Variants in SDHA observed in about 807,000 individuals in gnomAD.
SDHA encodes the protein succinate dehydrogenase [ubiquinone] flavoprotein subunit, mitochondrial.
Under a neutral mutation model 78.4 loss-of-function variants are expected in SDHA, and 48 were observed. The ratio of observed to expected loss-of-function variants is 0.61; its 90% CI spans 0.49 to 0.78. The LOEUF is 0.78. SDHA is among the 30% of genes least tolerant of loss of function. The pLI, the probability that SDHA is intolerant of heterozygous loss-of-function variation, is 0.00. For synonymous variants in SDHA, 326 were observed against 353.9 expected (o/e 0.92, Z 0.88); for missense variants, 680 against 892.7 (o/e 0.76, Z 3.04).
chr5:254,393 G>A lies in SDHA; in HGVS notation c.1795G>A (p.Val599Met), dbSNP rs574659983. ...AACGTGATGGTGTTTCTGGCCTCAG[G>A]TGCGGATTGATGAGTACGATTACTC... is the stretch of plus-strand genomic sequence containing the variant. ...RGAHAREDYK[V>M]RIDEYDYSKP... is the part of the protein sequence containing the mutation. The change falls in exon 14 of 15, where the codon GTG (valine) becomes ATG (methionine). Residue 599 changes from valine (V) to methionine (M), a missense_variant and splice_region_variant. Transcript: ENST00000264932. 6.2e-7 allele frequency: 1 copy of A among 1,601,890 alleles called. No individual in the cohort carries two copies. Among genetic ancestry groups the A allele is most frequent in the African/African-American group, 1.3e-5 (1 of 74,684 alleles).
chr5:221,398 C>T (rs1052584982), intron 1 of SDHA, among the ~76,000 whole-genome samples: 14 of 152,140 alleles, frequency 9.2e-5, no homozygotes, highest in Non-Finnish European at 1.9e-4. Flanking sequence ...TACAGTCGTG[C>T]GTTTTTAGGT....
intron 5 of SDHA, among the ~76,000 whole-genome samples, chr5:227,033 C>T (rs190514317): frequency 0.027 from 4,051 of 150,796 alleles, 88 homozygotes; most frequent in Non-Finnish European, 0.036. Flanking sequence ...GTTTTTGAGA[C>T]GGAGTCTCAC....
downstream of SDHA, among the ~76,000 whole-genome samples, chr5:259,567 T>G (rs1243118024): frequency 4.2e-5 from 1 of 23,768 alleles, no homozygotes; most frequent in East Asian, 8.0e-4. Flanking sequence ...CCGCCTCCCG[T>G]CACAGCATTA....
intron 10 of SDHA, among the ~76,000 whole-genome samples, chr5:239,601 C>G (rs910001246): frequency 6.6e-6 from 1 of 151,706 alleles, no homozygotes; most frequent in African/African-American, 2.4e-5. Flanking sequence ...TAGTTGAGAG[C>G]ACATAAGAGT....
chr5:255,456 G>T lies in SDHA; in HGVS notation c.1909-878G>T, dbSNP rs984045133. ...AATGTTTCCGGGTTCGGGTTTTTTG[G>T]TTTTTTTTTGTTTTTCTGAGATAGA... On this transcript the variant is annotated intron_variant, in intron 14 of 14. Transcript: ENST00000264932. Among the ~76,000 whole-genome samples, 44 of 150,418 alleles carry T rather than the reference G, an allele frequency of 2.9e-4. 1 individual carries two copies. Among genetic ancestry groups the T allele is most frequent in the South Asian group, 6.4e-4 (3 of 4,720 alleles).
chr5:250,458 T>C (rs1693571363), intron 11 of SDHA: 1 of 206,902 alleles, frequency 4.8e-6, no homozygotes, highest in Non-Finnish European at 9.9e-6. Flanking sequence ...TTCTACAAGA[T>C]AGGCAGAAGA....
chr5:238,790 C>G (rs1318728037), intron 10 of SDHA, among the ~76,000 whole-genome samples: 1 of 152,076 alleles, frequency 6.6e-6, no homozygotes. Context: ...GAAACCCCGT[C>G]TCTACCAAAA....
the SDHA span, among the ~76,000 whole-genome samples, chr5:264,742 G>A: frequency 4.6e-5 from 7 of 152,294 alleles, no homozygotes; most frequent in South Asian, 2.1e-4. Context: ...TCGCCAGAAC[G>A]CAGCACTTCA....
the SDHA span, among the ~76,000 whole-genome samples, chr5:262,943 T>G: frequency 4.6e-5 from 7 of 150,868 alleles, no homozygotes; most frequent in East Asian, 2.0e-4. Flanking sequence ...TAATTTTTTG[T>G]TTTTTTTCTT....
chr5:229,819 C>T lies in SDHA; in HGVS notation c.771-1057C>T, dbSNP rs370227281. On this transcript the variant is annotated intron_variant, in intron 6 of 14. Transcript: ENST00000264932. ...GAGTTAACATTATACAGCATGGTGG[C>T]TAGAGTTAACATTATACAGCATGCT... 4.3e-3 allele frequency among the ~76,000 whole-genome samples: 539 copies of T among 124,846 alleles called. 13 individuals are homozygous for T. Among genetic ancestry groups the T allele is most frequent in the African/African-American group, 0.028 (490 of 17,788 alleles). 81.9% of individuals were successfully genotyped at this position (124,846 alleles called of 152,430 possible).
At chr5:259,439 A>C (rs1406946784), downstream of SDHA, among the ~76,000 whole-genome samples, 104 of 12,516 alleles carry the variant, frequency 8.3e-3, 3 homozygotes, top group African/African-American at 0.019. Context: ...CCGCCTCCCG[A>C]CAGAGCATTA....
chr5:228,528 T>TA (rs2126559961), intron 6 of SDHA, among the ~76,000 whole-genome samples, 195 bp downstream of exon 6: 1 of 152,292 alleles, frequency 6.6e-6, no homozygotes, highest in African/African-American at 2.4e-5. Context: ...AGCACCTGCC[T>TA]CAGGGTGAGA....
At position 225,424 on chromosome 5, in the gene SDHA, A is replaced by T; in HGVS notation, c.318A>T (p.Gly106=). The change falls in exon 4 of 15, where the codon GGA becomes GGT. Residue 106 remains glycine, a synonymous_variant. Transcript: ENST00000264932. ...TRSHTVAAQG[G]INAALGNMEE... is the part of the protein sequence containing the mutation. ...GGAGTGGTTGGTGTTTCCAGGGAGG[A>T]ATCAATGCTGCTCTGGGGAACATGG... 16 of 1,612,250 alleles carry T rather than the reference A, an allele frequency of 9.9e-6. No homozygotes were observed. The highest frequency in any genetic ancestry group is 1.4e-5 in the Non-Finnish European group (16 of 1,179,820).
At chr5:226,127 C>T (rs1186172811) in intron 5 of SDHA, 80 bp downstream of exon 5, 1 of 1,490,500 alleles carries the variant, frequency 6.7e-7, no homozygotes, top group African/African-American at 1.4e-5. Flanking sequence ...GTTAGCGTGC[C>T]CAGTGAGTCA....
intron 1 of SDHA, among the ~76,000 whole-genome samples, chr5:221,466 C>T (rs564296616): frequency 1.4e-4 from 21 of 152,224 alleles, no homozygotes; most frequent in Non-Finnish European, 2.6e-4. Flanking sequence ...GTTTCTTGCT[C>T]GTGATTTATA....
chr5:231,036 TTGTG>T lies in SDHA; in HGVS notation c.895+42_895+45del, dbSNP rs765847557. 16 of 1,612,692 alleles carry T rather than the reference TTGTG, an allele frequency of 9.9e-6. No individual in the cohort carries two copies. The East Asian group carries it at 3.6e-4, about 36-fold the overall frequency. ...ACGCCTTGCCCGGCAGGTGTTTGGC[TTGTG>T]TGTGTCTTGTAAGCATGTGATGCCT... On this transcript the variant is annotated intron_variant, in intron 7 of 14. Transcript: ENST00000264932.
At position 223,466 on chromosome 5, in the gene SDHA, T is replaced by G. The variant is rs1436564476; in HGVS notation, c.64-16T>G. 6.3e-7 allele frequency: 1 copy of G among 1,578,404 alleles called. No individual in the cohort carries two copies. Among genetic ancestry groups the G allele is most frequent in the African/African-American group, 1.3e-5 (1 of 74,172 alleles). On this transcript the variant is annotated splice_polypyrimidine_tract_variant and intron_variant, in intron 1 of 14. Transcript: ENST00000264932. ...AGGACACTAACCCTCTGGATCTGTGTCTTCTGTGTCTCCAGTGGCCAACAG... is the reference window on the plus strand; with the variant it reads ...AGGACACTAACCCTCTGGATCTGTGGCTTCTGTGTCTCCAGTGGCCAACAG...
At chr5:244,253 C>A (rs59710274) in intron 11 of SDHA, among the ~76,000 whole-genome samples, 35,395 of 150,616 alleles carry the variant, frequency 0.24, 6,046 homozygotes, top group African/African-American at 0.51. Context: ...GAACCCCCAC[C>A]AAAGGTCCCA....
intron 1 of SDHA, among the ~76,000 whole-genome samples, chr5:221,506 C>A (rs973887782): frequency 2.0e-5 from 3 of 152,206 alleles, no homozygotes; most frequent in African/African-American, 7.2e-5. Context: ...GGACCCCTTA[C>A]TTTGCTAGAT....
Sources: gnomAD v4.1 joint callset for allele counts (sites outside exome capture counted in the v4.1 genomes callset) on GRCh38, gnomAD v4.1.1 for gene constraint, MANE v1.5 for transcripts, NCBI Gene and HGNC (gene_info 2026-07-23, HGNC 2026-07-21) for gene names.